The following FAM186B variants were observed in gnomAD, a reference collection of about 807,000 sequenced individuals.
The protein encoded by FAM186B is family with sequence similarity 186 member B, also known as protein FAM186B.
Under a neutral mutation model 83.4 loss-of-function variants are expected in FAM186B, and 68 were observed. The observed-to-expected ratio is 0.81, with a 90% confidence interval of 0.67 to 1.00. The LOEUF is 1.00. FAM186B is among the 50% of genes least tolerant of loss of function. The pLI, the probability that FAM186B is intolerant of heterozygous loss-of-function variation, is 0.00. For missense variants in FAM186B, 983 were observed against 1,099.2 expected (o/e 0.89, Z 1.49); for synonymous variants, 389 against 422.0 (o/e 0.92, Z 0.96).
the FAM186B span, among the ~76,000 whole-genome samples, chr12:49,615,013 A>G: frequency 6.6e-6 from 1 of 152,150 alleles, no homozygotes; most frequent in Non-Finnish European, 1.5e-5. Flanking sequence ...CTGTAGTCCC[A>G]GCTACTCAGG....
chr12:49,605,078 G>T, intron 1 of FAM186B: 1 of 854,862 alleles, frequency 1.2e-6, no homozygotes, highest in Non-Finnish European at 1.6e-6. Flanking sequence ...CAGATTCTGG[G>T]TCCTTTCTCC....
intron 5 of FAM186B, among the ~76,000 whole-genome samples, chr12:49,588,863 G>A (rs1565804509): frequency 6.6e-6 from 1 of 152,202 alleles, no homozygotes; most frequent in Non-Finnish European, 1.5e-5. Context: ...TTGTGAGGAA[G>A]CTGGATAATG....
chr12:49,619,446 C>T, the FAM186B span: 1 of 585,730 alleles, frequency 1.7e-6, no homozygotes, highest in Middle Eastern at 4.8e-4. Context: ...GGTTTTGCAG[C>T]AATTGTTGCA....
chr12:49,615,161 G>A, the FAM186B span, among the ~76,000 whole-genome samples: 1 of 151,968 alleles, frequency 6.6e-6, no homozygotes, highest in East Asian at 1.9e-4. Flanking sequence ...ATTGGGTACA[G>A]TGTACACTGC....
downstream of FAM186B, among the ~76,000 whole-genome samples, chr12:49,586,574 G>T (rs1371428607): frequency 6.6e-6 from 1 of 152,132 alleles, no homozygotes; most frequent in Non-Finnish European, 1.5e-5. Flanking sequence ...GAGGTCTTTG[G>T]GTAAGTTTAA....
intron 6 of FAM186B, among the ~76,000 whole-genome samples, 163 bp downstream of exon 6, chr12:49,588,291 A>G (rs1939495524): frequency 6.6e-6 from 1 of 152,242 alleles, no homozygotes; most frequent in Non-Finnish European, 1.5e-5. Flanking sequence ...GTCAGTGGCC[A>G]GCACTGGGGA....
Position 49,599,670 on chromosome 12 carries a change from A to G in FAM186B, c.1970T>C (p.Ile657Thr). 1 of 1,605,686 alleles carries G rather than the reference A, an allele frequency of 6.2e-7. No individual in the cohort carries two copies. Among genetic ancestry groups the G allele is most frequent in the Non-Finnish European group, 8.5e-7 (1 of 1,175,892 alleles). Reference protein sequence around the residue: ...WPSLQISPANIKKKVYHMDME... With the variant: ...WPSLQISPANTKKKVYHMDME... The stretch of plus-strand genomic sequence containing the variant: ...GTCCATGTGGTACACCTTCTTCTTA[A>G]TATTTGCAGGGGATATCTGCAAAGA... The change falls in exon 4 of 7, where the codon ATT becomes ACT. Residue 657 changes from isoleucine (I) to threonine (T), a missense_variant. Ile to Thr is a moderately conservative substitution (Grantham distance 89, BLOSUM62 -1). Transcript: ENST00000257894.
At chr12:49,596,714 A>G (rs2138274467) in intron 5 of FAM186B, among the ~76,000 whole-genome samples, 1 of 152,326 alleles carries the variant, frequency 6.6e-6, no homozygotes, top group Middle Eastern at 3.4e-3. Flanking sequence ...TGTGGAAAAC[A>G]GTATGGAGGC....
the FAM186B span, among the ~76,000 whole-genome samples, chr12:49,621,958 A>T: frequency 5.9e-5 from 9 of 152,282 alleles, no homozygotes; most frequent in African/African-American, 1.9e-4. Flanking sequence ...TGTTTGTCTT[A>T]ACAAATCTGG....
At chr12:49,613,405 T>C in the FAM186B span, among the ~76,000 whole-genome samples, 3 of 151,336 alleles carry the variant, frequency 2.0e-5, no homozygotes, top group Non-Finnish European at 4.4e-5. Context: ...TGGGCGCCTG[T>C]AGTCCCAGCT....
intron 5 of FAM186B, among the ~76,000 whole-genome samples, chr12:49,592,817 G>A (rs1033584911): frequency 6.6e-6 from 1 of 151,842 alleles, no homozygotes; most frequent in African/African-American, 2.4e-5. Flanking sequence ...AAAACAAAGA[G>A]GTATGGCTAA....
At chr12:49,609,913 G>A (rs141826702), upstream of FAM186B, among the ~76,000 whole-genome samples, 8 of 152,288 alleles carry the variant, frequency 5.3e-5, no homozygotes, top group Non-Finnish European at 1.0e-4. Context: ...ATTGCCTGAG[G>A]CAACAGAGAG....
downstream of FAM186B, chr12:49,582,927 C>G (rs1592538605): frequency 9.3e-6 from 4 of 429,880 alleles, no homozygotes; most frequent in East Asian, 2.8e-4. Context: ...CTTGGCTTCA[C>G]AGCTTGGCCC....
chr12:49,584,243 G>T (rs537425612), downstream of FAM186B: 368 of 470,578 alleles, frequency 7.8e-4, 1 homozygote, highest in Middle Eastern at 2.4e-3. Flanking sequence ...CTAAAACTGA[G>T]TTGAGGAGGT....
chr12:49,597,115 G>A (rs1939745625), intron 5 of FAM186B, among the ~76,000 whole-genome samples: 1 of 152,112 alleles, frequency 6.6e-6, no homozygotes, highest in Admixed American at 6.5e-5. Context: ...GCAGCAATAG[G>A]TTACACCATA....
chr12:49,600,599 G>A lies in FAM186B; in HGVS notation c.1041C>T (p.Leu347=). The change falls in exon 4 of 7, where the codon CTC becomes CTT. Residue 347 remains leucine (L), a synonymous_variant. Coordinates refer to ENST00000257894, the MANE Select transcript of FAM186B (RefSeq NM_032130.3). The surrounding 1 kb of genome is among the most constrained non-coding windows in gnomAD (Gnocchi z 4.3). ...CCTCCATGACTGTTTCTTTCCTTGG[G>A]AGGGTCTCTCTCTCAGAGGGACCTG... ...DSPGPSERET[L]PRKETVMEES... The A allele has an allele frequency of 6.2e-7, 1 of 1,612,474 alleles. No individual in the cohort carries two copies. Among genetic ancestry groups the A allele is most frequent in the Non-Finnish European group, 8.5e-7 (1 of 1,179,116 alleles).
At chr12:49,585,259 C>T (rs1414109053), downstream of FAM186B, among the ~76,000 whole-genome samples, 1 of 152,158 alleles carries the variant, frequency 6.6e-6, no homozygotes, top group Non-Finnish European at 1.5e-5. Context: ...ACCTCGTGAT[C>T]TGCCCACCTC....
At chr12:49,597,083 T>C (rs907084368) in intron 5 of FAM186B, among the ~76,000 whole-genome samples, 1 of 152,250 alleles carries the variant, frequency 6.6e-6, no homozygotes, top group Non-Finnish European at 1.5e-5. Flanking sequence ...AATAGTCACA[T>C]GCTGCACAGA....
intron 1 of FAM186B, chr12:49,605,153 C>A (rs1392787796): frequency 7.3e-7 from 1 of 1,362,190 alleles, no homozygotes; most frequent in East Asian, 3.0e-5. Flanking sequence ...TTCCTGCCCC[C>A]TTCCCGGGCC....
Sources: gnomAD v4.1 joint callset for allele counts (sites outside exome capture counted in the v4.1 genomes callset) on GRCh38, gnomAD v4.1.1 for gene constraint, Gnocchi (gnomAD v3.1) non-coding constraint, MANE v1.5 for transcripts, NCBI Gene and HGNC (gene_info 2026-07-23, HGNC 2026-07-21) for gene names.